ELMO1: variants seen among roughly 807,000 people sequenced by gnomAD.
ELMO1 encodes the protein engulfment and cell motility protein 1.
A neutral mutation model predicts 98.9 loss-of-function variants in ELMO1; 26 were observed. The ratio of observed to expected loss-of-function variants is 0.26; its 90% CI spans 0.19 to 0.36. The LOEUF is 0.36. ELMO1 is among the 10% of genes least tolerant of loss of function. The pLI, the probability that ELMO1 is intolerant of heterozygous loss-of-function variation, is 1.00. For synonymous variants in ELMO1, 346 were observed against 346.0 expected (o/e 1.00, Z 0.00); for missense variants, 627 against 935.2 (o/e 0.67, Z 4.30).
chr7:37,085,079 T>C (rs1018591461), intron 15 of ELMO1, among the ~76,000 whole-genome samples: 3 of 152,170 alleles, frequency 2.0e-5, no homozygotes, highest in African/African-American at 4.8e-5. Context: ...TGGTTTTTGA[T>C]TGAAGTTCAA....
chr7:36,860,841 A>G (rs906419507), intron 21 of ELMO1, among the ~76,000 whole-genome samples: 1 of 152,350 alleles, frequency 6.6e-6, no homozygotes, highest in African/African-American at 2.4e-5. Context: ...GGGATATACA[A>G]TTTTATTCAA....
At chr7:37,359,031 C>G (rs1801598479) in intron 1 of ELMO1, among the ~76,000 whole-genome samples, 1 of 152,102 alleles carries the variant, frequency 6.6e-6, no homozygotes, top group African/African-American at 2.4e-5. Context: ...GCTTCTATAA[C>G]AGAATAGGTG....
chr7:37,014,719 C>T lies in ELMO1; in HGVS notation c.1301-1284G>A, dbSNP rs180972457. Among the ~76,000 whole-genome samples, 275 of 151,932 alleles carry T rather than the reference C, an allele frequency of 1.8e-3. 1 individual carries two copies. The highest frequency in any genetic ancestry group is 5.1e-3 in the African/African-American group (211 of 41,390). Reference sequence around the variant, plus strand: ...TAACTCCCACTTCTGAGTGAGAACACAAGGTGTTTCATTTGCTGTTGGAAT... The same window carrying T: ...TAACTCCCACTTCTGAGTGAGAACATAAGGTGTTTCATTTGCTGTTGGAAT... On this transcript the variant is annotated intron_variant, in intron 15 of 21. Transcript: ENST00000310758.
chr7:36,923,076 G>A (rs919694248), intron 16 of ELMO1, among the ~76,000 whole-genome samples: 1 of 152,148 alleles, frequency 6.6e-6, no homozygotes, highest in South Asian at 2.1e-4. Context: ...TCAAGTTCCA[G>A]TACCTGTCTC....
rs143426543 is a variant in ELMO1, at chr7:37,030,218, A to T, written c.1301-16783T>A. Among the ~76,000 whole-genome samples the T allele has an allele frequency of 2.7e-3, 406 of 152,338 alleles. 4 individuals are homozygous for T. Among genetic ancestry groups the T allele is most frequent in the Non-Finnish European group, 4.6e-3 (310 of 68,036 alleles). ...ATAAGATGCTTTTAAAGGAAGAAAA[A>T]TACTGATGAAATTGTTCAGAACTTC... On this transcript the variant is annotated intron_variant, in intron 15 of 21. Transcript: ENST00000310758.
At position 37,211,388 on chromosome 7, in the gene ELMO1, T is replaced by C. The variant is rs1792961033; in HGVS notation, c.1084A>G (p.Ile362Val). 1 of 1,613,900 alleles carries C rather than the reference T, an allele frequency of 6.2e-7. No individual in the cohort carries two copies. Among genetic ancestry groups the C allele is most frequent in the South Asian group, 1.1e-5 (1 of 91,092 alleles). The change falls in exon 13 of 22, where the codon ATT (isoleucine) becomes GTT (valine). Residue 362 changes from isoleucine (I) to valine (V), a missense_variant and splice_region_variant. Transcript: ENST00000310758. ...YTRDYKKLGF[I>V]NHVNPAMDFT... The stretch of plus-strand genomic sequence containing the variant: ...CATACTGGAGATAGCTTACTTACAA[T>C]GAACCCAAGCTTCTTATAATCTCGC...
chr7:37,331,350 T>A (rs1189489260), intron 2 of ELMO1, among the ~76,000 whole-genome samples: 1 of 80,088 alleles, frequency 1.2e-5, no homozygotes, highest in African/African-American at 4.8e-5. Context: ...TTTTTTTTTT[T>A]TTTTTGGAAT....
At chr7:37,251,479 G>A (rs1411616129) in intron 6 of ELMO1, among the ~76,000 whole-genome samples, 1 of 152,192 alleles carries the variant, frequency 6.6e-6, no homozygotes, top group African/African-American at 2.4e-5. Context: ...CCCAGTACCA[G>A]CTGGAGAGAG....
rs1792956921 is a variant in ELMO1 at position 37,211,350 on chromosome 7, T to C, written c.1086+36A>G. On this transcript the variant is annotated intron_variant, in intron 13 of 21. Transcript: ENST00000310758. ...TGGCTGAGGTCAGGCCCGGGGAGGC[T>C]GGAGGGAGAGCGCATACTGGAGATA... The C allele has an allele frequency of 2.5e-6, 4 of 1,613,398 alleles. No individual in the cohort carries two copies. The South Asian group carries it at 3.3e-5, about 13-fold the overall frequency.
chr7:37,179,728 A>T (rs1402889595), intron 13 of ELMO1, among the ~76,000 whole-genome samples: 1 of 152,204 alleles, frequency 6.6e-6, no homozygotes, highest in African/African-American at 2.4e-5. Flanking sequence ...ACTTCCTTGG[A>T]TCTGCTGCTA....
chr7:37,444,215 T>G (rs186328462), intron 1 of ELMO1, among the ~76,000 whole-genome samples: 2 of 152,154 alleles, frequency 1.3e-5, no homozygotes, highest in African/African-American at 4.8e-5. Flanking sequence ...TGTGGCTGCC[T>G]CCAGAAGAGA....
chr7:36,914,367 A>G (rs1343142118), intron 16 of ELMO1, among the ~76,000 whole-genome samples: 3 of 152,228 alleles, frequency 2.0e-5, no homozygotes, highest in Admixed American at 6.5e-5. Flanking sequence ...CTAGTACTAT[A>G]TTAGAAAGTT....
intron 19 of ELMO1, among the ~76,000 whole-genome samples, chr7:36,874,004 G>C (rs1343706872): frequency 6.6e-6 from 1 of 152,202 alleles, no homozygotes; most frequent in Non-Finnish European, 1.5e-5. Context: ...CAGGATAGCT[G>C]CATGAAGAAC....
intron 16 of ELMO1, among the ~76,000 whole-genome samples, chr7:36,930,520 G>T (rs1236051037): frequency 6.6e-6 from 1 of 152,174 alleles, no homozygotes; most frequent in East Asian, 1.9e-4. Flanking sequence ...CATTTAGTGG[G>T]AAGCCTCCCA....
At chr7:37,179,260 T>C (rs906512272) in intron 13 of ELMO1, among the ~76,000 whole-genome samples, 1 of 150,222 alleles carries the variant, frequency 6.7e-6, no homozygotes, top group African/African-American at 2.4e-5. Context: ...AAATTTAATC[T>C]GAATGTTTGC....
chr7:37,143,223 G>T (rs943632183), intron 13 of ELMO1, among the ~76,000 whole-genome samples: 8 of 152,116 alleles, frequency 5.3e-5, no homozygotes, highest in Non-Finnish European at 1.2e-4. Context: ...CTGACAATTG[G>T]GTAGCTTGCC....
intron 16 of ELMO1, among the ~76,000 whole-genome samples, chr7:37,002,828 C>T (rs750146273): frequency 6.6e-6 from 1 of 152,150 alleles, no homozygotes; most frequent in Non-Finnish European, 1.5e-5. Context: ...ACTTAGAATA[C>T]AGAAAGAGCA....
chr7:37,113,900 C>A (rs191520946), intron 14 of ELMO1, among the ~76,000 whole-genome samples: 1 of 152,320 alleles, frequency 6.6e-6, no homozygotes, highest in Admixed American at 6.5e-5. Flanking sequence ...GACACCAACC[C>A]TGCCAGTAGC....
chr7:36,997,249 T>A (rs1043778441), intron 16 of ELMO1, among the ~76,000 whole-genome samples: 12 of 152,028 alleles, frequency 7.9e-5, no homozygotes, highest in Non-Finnish European at 1.5e-4. Flanking sequence ...AGAAAAAAAA[T>A]TTAAGCTATT....
Sources: allele counts gnomAD v4.1 joint callset (sites outside exome capture counted in the v4.1 genomes callset), GRCh38; gene constraint gnomAD v4.1.1; transcripts MANE v1.5; gene names NCBI Gene and HGNC (gene_info 2026-07-23, HGNC 2026-07-21).